The following FHIP2A variants were observed in gnomAD, a reference collection of about 807,000 sequenced individuals.
FHIP2A encodes the protein FHF complex subunit HOOK interacting protein 2A, also known as family with sequence similarity 160 member B1.
Under a neutral mutation model 93.5 loss-of-function variants are expected in FHIP2A, and 46 were observed. The observed-to-expected ratio is 0.49, with a 90% CI of 0.39 to 0.63. The LOEUF (loss-of-function observed/expected upper bound fraction) is 0.63. Ranked by LOEUF, FHIP2A falls within the 20% of genes least tolerant of loss-of-function variation. FHIP2A has a pLI of 0.00. For missense variants in FHIP2A, 769 were observed against 909.7 expected (o/e 0.85, Z 1.99); for synonymous variants, 332 against 326.5 (o/e 1.02, Z -0.18).
intron 16 of FHIP2A, among the ~76,000 whole-genome samples, chr10:114,877,524 T>TA (rs111476532): frequency 0.032 from 4,884 of 152,140 alleles, 109 homozygotes; most frequent in Middle Eastern, 0.041. Context: ...TACAAAGGAT[T>TA]AAAAACCATA....
chr10:114,836,343 G>T, intron 5 of FHIP2A, 97 bp downstream of exon 5: 1 of 986,258 alleles, frequency 1.0e-6, no homozygotes, highest in South Asian at 2.1e-5. Context: ...GCTCTGTTTT[G>T]CAGGTTATTA....
rs778694175 is a variant in FHIP2A at position 114,860,769 on chromosome 10, A to G, written c.1968A>G (p.Gln656=). ...CATAGCCATATGATGTAAACTTACA[A>G]GTAACCTCAGTGTTATCTAGACTTT... ...ILDQPYDVNL[Q]VTSVLSRLSL... Residue 656 remains glutamine (Q), a synonymous_variant, in exon 15 of 17, where the codon CAA becomes CAG. Coordinates refer to ENST00000369248, the MANE Select transcript of FHIP2A (RefSeq NM_020940.4). 5.0e-6 allele frequency: 8 copies of G among 1,604,586 alleles called. No homozygotes were observed. The highest frequency in any genetic ancestry group is 2.2e-5 in the East Asian group (1 of 44,834).
chr10:114,876,930 T>G (rs753562819), intron 16 of FHIP2A, among the ~76,000 whole-genome samples: 2 of 152,144 alleles, frequency 1.3e-5, no homozygotes, highest in Non-Finnish European at 2.9e-5. Context: ...ACTATTGACA[T>G]GTTTATTTAT....
intron 1 of FHIP2A, among the ~76,000 whole-genome samples, chr10:114,825,627 A>G (rs996316806): frequency 6.6e-6 from 1 of 152,192 alleles, no homozygotes; most frequent in African/African-American, 2.4e-5. Context: ...ATGATTGGCC[A>G]GTAAGAGTCT....
chr10:114,838,861 TCTC>T (rs1202706745), intron 5 of FHIP2A, among the ~76,000 whole-genome samples: 1 of 152,230 alleles, frequency 6.6e-6, no homozygotes, highest in Non-Finnish European at 1.5e-5. Flanking sequence ...ATGACATATT[TCTC>T]CAAAGCCTGA....
At chr10:114,839,192 A>G (rs935304701) in intron 5 of FHIP2A, among the ~76,000 whole-genome samples, 21 of 152,056 alleles carry the variant, frequency 1.4e-4, no homozygotes, top group African/African-American at 5.1e-4. Context: ...CAGTGGTGCA[A>G]TCTCGGCTCA....
chr10:114,894,954 T>C (rs565720047), intron 16 of FHIP2A, among the ~76,000 whole-genome samples: 5 of 152,238 alleles, frequency 3.3e-5, no homozygotes, highest in Non-Finnish European at 4.4e-5. Flanking sequence ...TTAAGCCATA[T>C]TTCTAGCACT....
At chr10:114,865,240 G>A (rs1011937773), downstream of FHIP2A, among the ~76,000 whole-genome samples, 7 of 151,948 alleles carry the variant, frequency 4.6e-5, no homozygotes, top group South Asian at 2.1e-4. Context: ...CACCTGCCTC[G>A]GCCTCCCAAA....
chr10:114,837,297 T>C (rs142946388), intron 5 of FHIP2A, among the ~76,000 whole-genome samples: 5,967 of 152,164 alleles, frequency 0.039, 332 homozygotes, highest in African/African-American at 0.13. Context: ...GGTGGATCAG[T>C]TGAGGTCAGG....
At chr10:114,885,796 G>C (rs2083940115) in intron 16 of FHIP2A, among the ~76,000 whole-genome samples, 1 of 152,206 alleles carries the variant, frequency 6.6e-6, no homozygotes. Context: ...GGAAGACCCT[G>C]TCTCTCCCTC....
chr10:114,864,078 T>C lies in FHIP2A; in HGVS notation c.*2538T>C. The stretch of plus-strand genomic sequence containing the variant: ...GAAGCTGTGAGTGGATTCATAGCTT[T>C]TTGGTTTAATTGTACATTATTGTGT... On this transcript the variant is annotated 3_prime_UTR_variant, in exon 17 of 17. Transcript: ENST00000369248. 1.0e-6 allele frequency: 1 copy of C among 989,484 alleles called. No individual in the cohort carries two copies. Among genetic ancestry groups the C allele is most frequent in the Non-Finnish European group, 1.2e-6 (1 of 832,288 alleles). The allele number at this position is 989,484 out of a possible 1,614,324, so 61.3% of individuals were successfully genotyped here.
chr10:114,857,077 A>C (rs2083771127), intron 14 of FHIP2A, among the ~76,000 whole-genome samples: 1 of 152,070 alleles, frequency 6.6e-6, no homozygotes, highest in African/African-American at 2.4e-5. Context: ...ACACTAGCCT[A>C]GGCAACATAG....
chr10:114,876,738 G>T (rs765821687), intron 16 of FHIP2A, among the ~76,000 whole-genome samples: 2 of 152,098 alleles, frequency 1.3e-5, no homozygotes, highest in African/African-American at 2.4e-5. Context: ...AGCTCCTGGG[G>T]CCAGGGCTCA....
At chr10:114,848,567 G>A (rs1592020922) in intron 12 of FHIP2A, 80 bp from the exon 13 acceptor site, 1 of 762,506 alleles carries the variant, frequency 1.3e-6, no homozygotes, top group Non-Finnish European at 2.3e-6. Flanking sequence ...TATTGATTAT[G>A]GTCTTTTTCA....
intron 16 of FHIP2A, among the ~76,000 whole-genome samples, chr10:114,891,807 G>A (rs765035329): frequency 2.0e-5 from 3 of 151,734 alleles, no homozygotes; most frequent in Non-Finnish European, 2.9e-5. Context: ...GTAGAGATGC[G>A]GTTTCTCCAT....
At chr10:114,828,228 G>A (rs1458198764) in intron 1 of FHIP2A, among the ~76,000 whole-genome samples, 2 of 152,084 alleles carry the variant, frequency 1.3e-5, no homozygotes, top group Non-Finnish European at 2.9e-5. Context: ...CCTGGAGGGA[G>A]GTATTCACAA....
chr10:114,875,906 GAA>G (rs1376932907), intron 16 of FHIP2A, among the ~76,000 whole-genome samples: 1 of 57,516 alleles, frequency 1.7e-5, no homozygotes, highest in Non-Finnish European at 4.3e-5. Context: ...AAGAAATAAA[GAA>G]AGAGAAAGAA....
At chr10:114,846,776 GAACT>G in intron 11 of FHIP2A, 48 bp downstream of exon 11, 1 of 1,478,074 alleles carries the variant, frequency 6.8e-7, no homozygotes, top group Non-Finnish European at 9.1e-7. Context: ...TGTAGAGATA[GAACT>G]TTCTCTCTCC....
At chr10:114,851,300 A>G (rs559985810) in intron 13 of FHIP2A, among the ~76,000 whole-genome samples, 1 of 152,276 alleles carries the variant, frequency 6.6e-6, no homozygotes, top group East Asian at 1.9e-4. Context: ...TGCCTAACCA[A>G]GATTACATAG....
Sources: gnomAD v4.1 joint callset for allele counts (sites outside exome capture counted in the v4.1 genomes callset) on GRCh38, gnomAD v4.1.1 for gene constraint, MANE v1.5 for transcripts, NCBI Gene and HGNC (gene_info 2026-07-23, HGNC 2026-07-21) for gene names.